Variants in CCDC178 observed in about 807,000 individuals in gnomAD.
CCDC178 encodes coiled-coil domain containing 178, also known as coiled-coil domain-containing protein 178.
Under a neutral mutation model 117.4 loss-of-function variants are expected in CCDC178, and 126 were observed. That is an observed-to-expected ratio of 1.07 (90% CI 0.93 to 1.24). The LOEUF is 1.24. Among genes scored for constraint, CCDC178 ranks in the 50% most tolerant of loss-of-function variants. The pLI is 0.00. For missense variants in CCDC178, 1,030 were observed against 986.9 expected, an observed-to-expected ratio of 1.04 and a Z score of -0.59; for synonymous variants, 283 against 313.4, an observed-to-expected ratio of 0.90 and a Z score of 1.02.
chr18:33,004,433 T>C (rs548866305), intron 21 of CCDC178, among the ~76,000 whole-genome samples: 32 of 152,120 alleles, frequency 2.1e-4, no homozygotes, highest in Non-Finnish European at 4.3e-4. Context: ...GTTATCTATA[T>C]GCAGAAGAAT....
chr18:33,099,041 C>T (rs1015517771), intron 20 of CCDC178, among the ~76,000 whole-genome samples: 11 of 151,948 alleles, frequency 7.2e-5, no homozygotes, highest in Non-Finnish European at 1.5e-4. Flanking sequence ...TATATCTGAG[C>T]AAATTTGGAG....
chr18:33,339,454 A>T (rs1168460329), intron 9 of CCDC178, among the ~76,000 whole-genome samples: 1 of 151,270 alleles, frequency 6.6e-6, no homozygotes, highest in African/African-American at 2.4e-5. Flanking sequence ...AATTTCATGA[A>T]AACATTTAGG....
rs191605000 is a variant in CCDC178, at chr18:33,417,015, G to A, written c.-22-4905C>T. ...GGCATTGCTGGTTAGAATGCAAAAT[G>A]ATGTAACCACTCTGGAAAATACTTT... On this transcript the variant is annotated intron_variant, in intron 2 of 22. Coordinates refer to ENST00000383096, the MANE Select transcript of CCDC178 (RefSeq NM_001105528.4). Among the ~76,000 whole-genome samples, 78 of 152,300 alleles carry A rather than the reference G, an allele frequency of 5.1e-4. No homozygotes were observed. In the East Asian group the frequency reaches 0.014, roughly 27 times the overall value.
chr18:33,251,808 G>A (rs2059621233), intron 14 of CCDC178, among the ~76,000 whole-genome samples: 1 of 151,644 alleles, frequency 6.6e-6, no homozygotes, highest in South Asian at 2.1e-4. Context: ...TCCACCCTGT[G>A]AGGCTACTTA....
intron 21 of CCDC178, among the ~76,000 whole-genome samples, chr18:33,041,331 A>G (rs968891786): frequency 6.6e-6 from 1 of 151,648 alleles, no homozygotes; most frequent in Non-Finnish European, 1.5e-5. Context: ...GGAAATATTT[A>G]TATGCATGAG....
chr18:32,953,594 C>T (rs2054534549), intron 22 of CCDC178, among the ~76,000 whole-genome samples: 1 of 152,128 alleles, frequency 6.6e-6, no homozygotes, highest in Admixed American at 6.5e-5. Context: ...TCATCTTTGA[C>T]ACTCAAAAAG....
chr18:33,050,589 A>C (rs1306070654), intron 21 of CCDC178, among the ~76,000 whole-genome samples: 1 of 152,192 alleles, frequency 6.6e-6, no homozygotes, highest in Non-Finnish European at 1.5e-5. Flanking sequence ...TGCAATGCAG[A>C]GTTAACCTGG....
intron 5 of CCDC178, among the ~76,000 whole-genome samples, chr18:33,371,281 GTGTGTATATA>G (rs2063295219): frequency 6.6e-6 from 1 of 151,890 alleles, no homozygotes; most frequent in Non-Finnish European, 1.5e-5. Context: ...ATATGTGTGT[GTGTGTATATA>G]TGTGTATATA....
At chr18:33,047,095 G>A (rs897719238) in intron 21 of CCDC178, among the ~76,000 whole-genome samples, 4 of 152,086 alleles carry the variant, frequency 2.6e-5, no homozygotes, top group Admixed American at 6.6e-5. Context: ...TTGCATAATG[G>A]TACACACAAC....
At chr18:33,204,529 T>A (rs140406916) in intron 20 of CCDC178, among the ~76,000 whole-genome samples, 1 of 152,294 alleles carries the variant, frequency 6.6e-6, no homozygotes, top group African/African-American at 2.4e-5. Context: ...TCACTAGAAG[T>A]CTCGAAGGCA....
intron 15 of CCDC178, among the ~76,000 whole-genome samples, chr18:33,231,327 G>A (rs911277081): frequency 2.0e-5 from 3 of 151,932 alleles, no homozygotes; most frequent in Non-Finnish European, 2.9e-5. Flanking sequence ...AAAATGTAAC[G>A]TAGTGAAAGA....
intron 14 of CCDC178, among the ~76,000 whole-genome samples, chr18:33,252,894 T>C (rs2059633850): frequency 6.6e-6 from 1 of 151,782 alleles, no homozygotes; most frequent in Non-Finnish European, 1.5e-5. Flanking sequence ...TTTACAGAGC[T>C]TGAATGTAAG....
chr18:33,104,982 C>T (rs1024541803), intron 20 of CCDC178, among the ~76,000 whole-genome samples: 3 of 151,484 alleles, frequency 2.0e-5, no homozygotes, highest in Non-Finnish European at 4.4e-5. Context: ...CACAAATACA[C>T]AAATAATTCT....
intron 9 of CCDC178, among the ~76,000 whole-genome samples, chr18:33,340,922 CTGGGGCACTGCCCAGTGGAGCTG>C (rs2144658590): frequency 6.6e-6 from 1 of 152,316 alleles, no homozygotes; most frequent in Non-Finnish European, 1.5e-5. Flanking sequence ...AGAGTCCCTA[CTGGGGCACTGCCCAGTGGAGCTG>C]TGAGAAGAGG....
intron 5 of CCDC178, among the ~76,000 whole-genome samples, chr18:33,376,655 A>T (rs1426141794): frequency 6.6e-6 from 1 of 152,076 alleles, no homozygotes; most frequent in East Asian, 1.9e-4. Context: ...CTTTATGTCC[A>T]TGAGTACCCA....
At chr18:33,176,227 T>C (rs921379437) in intron 20 of CCDC178, among the ~76,000 whole-genome samples, 5 of 152,158 alleles carry the variant, frequency 3.3e-5, no homozygotes, top group African/African-American at 1.2e-4. Flanking sequence ...TTGGATGATT[T>C]TAACATCCAT....
At chr18:33,423,413 T>G (rs1224604752) in intron 2 of CCDC178, among the ~76,000 whole-genome samples, 2 of 152,182 alleles carry the variant, frequency 1.3e-5, no homozygotes, top group African/African-American at 4.8e-5. Context: ...CGTTTTTAGG[T>G]GTATTCATGT....
At chr18:32,974,461 T>C (rs999911885) in intron 22 of CCDC178, 86 bp downstream of exon 22, 44 of 1,259,024 alleles carry the variant, frequency 3.5e-5, no homozygotes, top group Non-Finnish European at 4.9e-5. Flanking sequence ...TGATGGGATA[T>C]GGTTTTAATG....
At chr18:32,996,149 A>G (rs1222037757) in intron 21 of CCDC178, among the ~76,000 whole-genome samples, 37 of 151,974 alleles carry the variant, frequency 2.4e-4, no homozygotes, top group Admixed American at 2.4e-3. Context: ...AGTCATAAGA[A>G]CAACATGACA....
Sources: gnomAD v4.1 joint callset for allele counts (sites outside exome capture counted in the v4.1 genomes callset) on GRCh38, gnomAD v4.1.1 for gene constraint, MANE v1.5 for transcripts, NCBI Gene and HGNC (gene_info 2026-07-23, HGNC 2026-07-21) for gene names.